The following UBE4A variants were observed in gnomAD, a reference collection of about 807,000 sequenced individuals.
The protein encoded by UBE4A is ubiquitination factor E4A.
Under a neutral mutation model 117.9 loss-of-function variants are expected in UBE4A, and 48 were observed. The ratio of observed to expected loss-of-function variants is 0.41; its 90% CI spans 0.32 to 0.52. The LOEUF (loss-of-function observed/expected upper bound fraction) is 0.52, where lower values mean the gene tolerates loss of function less well. Among genes scored for constraint, UBE4A ranks in the 20% least tolerant of loss-of-function variants. The pLI is 0.33. For synonymous variants in UBE4A, 407 were observed against 450.0 expected (o/e 0.90, Z 1.21); for missense variants, 1,067 against 1,296.3 (o/e 0.82, Z 2.72).
Position 118,397,657 on chromosome 11 carries a change from C to T in UBE4A, c.*1217C>T, listed in dbSNP as rs1254282251. Reference sequence around the variant, plus strand: ...TTAATATGCTGACTAGGGACATTCCCCTATGGATTATCTTTATATCACTGT... The same window carrying T: ...TTAATATGCTGACTAGGGACATTCCTCTATGGATTATCTTTATATCACTGT... On this transcript the variant is annotated 3_prime_UTR_variant, in exon 20 of 20. Coordinates refer to ENST00000252108, the MANE Select transcript of UBE4A (RefSeq NM_001204077.2). 6.6e-6 allele frequency: 1 copy of T among 152,120 alleles called. No homozygotes were observed. Among genetic ancestry groups the T allele is most frequent in the East Asian group, 1.9e-4 (1 of 5,200 alleles). The allele number at this position is 152,120 out of a possible 1,614,324, so 9.4% of individuals were successfully genotyped here. A position where few individuals can be genotyped will look rare whatever the true frequency, so the allele number is the denominator to read the frequency against.
chr11:118,361,006 GTATTT>G (rs1948516423), intron 1 of UBE4A, among the ~76,000 whole-genome samples: 1 of 126,672 alleles, frequency 7.9e-6, no homozygotes, highest in Admixed American at 7.5e-5. Flanking sequence ...GTGTGTGTGT[GTATTT>G]TTTTTTTTTT....
rs782519894 is a variant in UBE4A at position 118,381,386 on chromosome 11, T to C, written c.1877-5T>C. On this transcript the variant is annotated splice_region_variant and splice_polypyrimidine_tract_variant and intron_variant, in intron 11 of 19. Coordinates refer to ENST00000252108, the MANE Select transcript of UBE4A (RefSeq NM_001204077.2). ...GCTAATTCCAGTGAATATTTTCTTT[T>C]TCAGAATTTTTTGCAGATAACCTGG... The C allele has an allele frequency of 7.4e-6, 12 of 1,613,924 alleles. No homozygotes were observed. The Admixed American group carries it at 2.0e-4, about 27-fold the overall frequency.
chr11:118,376,910 A>G (rs1290597274), intron 10 of UBE4A, among the ~76,000 whole-genome samples: 1 of 152,010 alleles, frequency 6.6e-6, no homozygotes, highest in African/African-American at 2.4e-5. Flanking sequence ...AAAATTAGCC[A>G]GGCATGGTGG....
rs1396135530 is a variant in UBE4A at position 118,373,117 on chromosome 11, G to A, written c.753G>A (p.Glu251=). 6.2e-7 allele frequency: 1 copy of A among 1,614,102 alleles called. No individual in the cohort carries two copies. Among genetic ancestry groups the A allele is most frequent in the Non-Finnish European group, 8.5e-7 (1 of 1,180,018 alleles). ...HFEDVTEFLE[E]VIEALILDEE... is the part of the protein sequence containing the mutation. ...AAGATGTAACTGAGTTTCTGGAAGA[G>A]GTCATTGAAGCCTTGATATTGGATG... The change falls in exon 7 of 20, where the codon GAG becomes GAA. Residue 251 remains glutamate (E), a synonymous_variant. Transcript: ENST00000252108.
chr11:118,379,639 G>A lies in UBE4A; in HGVS notation c.1765G>A (p.Val589Met). 1 of 1,614,206 alleles carries A rather than the reference G, an allele frequency of 6.2e-7. No individual in the cohort carries two copies. Among genetic ancestry groups the A allele is most frequent in the Non-Finnish European group, 8.5e-7 (1 of 1,180,040 alleles). The change falls in exon 11 of 20, where the codon GTG becomes ATG. Residue 589 changes from valine (V) to methionine (M), a missense_variant. Physicochemically the swap from Val to Met is conservative, Grantham distance 21. Coordinates refer to ENST00000252108, the MANE Select transcript of UBE4A (RefSeq NM_001204077.2). ...GCTACAAAACTGCCTAAACTTGCAGGTGTCCATGGCTGTTCTACTGGTTCA... is the reference window on the plus strand; with the variant it reads ...GCTACAAAACTGCCTAAACTTGCAGATGTCCATGGCTGTTCTACTGGTTCA... ...QMLQNCLNLQ[V>M]SMAVLLVQLA...
intron 12 of UBE4A, 58 bp from the exon 13 acceptor site, chr11:118,382,529 CAG>C (rs1555126481): frequency 7.3e-7 from 1 of 1,373,548 alleles, no homozygotes; most frequent in African/African-American, 1.5e-5. Flanking sequence ...GTGGAGAGAA[CAG>C]AGTCATAAAT....
In UBE4A at chr11:118,397,208, CG is replaced by C. The variant is rs1199470648; in HGVS notation, c.*771del. 23 of 152,114 alleles carry C rather than the reference CG, an allele frequency of 1.5e-4. No homozygotes were observed. The highest frequency in any genetic ancestry group is 5.5e-4 in the African/African-American group (23 of 41,490). The allele number at this position is 152,114 out of a possible 1,614,324, so 9.4% of individuals were successfully genotyped here. On this transcript the variant is annotated 3_prime_UTR_variant, in exon 20 of 20. Coordinates refer to ENST00000252108, the MANE Select transcript of UBE4A (RefSeq NM_001204077.2). ...ACTAGGCCTAAGTAGATTTAGGCAA[CG>C]GGTATCATATCCATGAAAAATGTCA...
intron 18 of UBE4A, among the ~76,000 whole-genome samples, chr11:118,391,689 G>A (rs905525537): frequency 2.6e-4 from 40 of 151,494 alleles, no homozygotes; most frequent in African/African-American, 9.0e-4. Context: ...AGCTACTCAG[G>A]AGACTGAGGC....
At position 118,392,899 on chromosome 11, in the gene UBE4A, G is replaced by A; in HGVS notation, c.3074+4G>A. On this transcript the variant is annotated splice_donor_region_variant and intron_variant, in intron 19 of 19. Transcript: ENST00000252108. ...CCATTGCAAGACATTTGCTCAGGTA[G>A]GCCAGTCCCAAAAACAGACTCAAGA... 6.2e-7 allele frequency: 1 copy of A among 1,612,518 alleles called. No individual in the cohort carries two copies.
chr11:118,386,296 TGA>T, intron 15 of UBE4A, 140 bp from the exon 16 acceptor site: 1 of 902,918 alleles, frequency 1.1e-6, no homozygotes, highest in Middle Eastern at 3.4e-4. Flanking sequence ...AGCCTTATGC[TGA>T]GAAATAAAGG....
chr11:118,391,863 GT>G (rs1269727749), intron 18 of UBE4A, among the ~76,000 whole-genome samples: 18 of 151,684 alleles, frequency 1.2e-4, no homozygotes, highest in Admixed American at 1.2e-3. Context: ...TATGTAAGAT[GT>G]TTTTATGAAA....
Position 118,386,532 on chromosome 11 carries a change from T to C in UBE4A, c.2507T>C (p.Leu836Pro). 6.2e-7 allele frequency: 1 copy of C among 1,605,914 alleles called. No individual in the cohort carries two copies. Among genetic ancestry groups the C allele is most frequent in the Non-Finnish European group, 8.5e-7 (1 of 1,177,230 alleles). ...PEARREKEAG[L>P]QMFGQLARFH... ...GCCCGCCGAGAAAAGGAGGCTGGCCTACAGATGTTTGGACAGCTGGCACGT... is the reference window on the plus strand; with the variant it reads ...GCCCGCCGAGAAAAGGAGGCTGGCCCACAGATGTTTGGACAGCTGGCACGT... Residue 836 changes from leucine to proline, a missense_variant, in exon 16 of 20, where the codon CTA (leucine) becomes CCA (proline). By Grantham distance (98) the Leu-to-Pro change is moderately conservative. Coordinates refer to ENST00000252108, the MANE Select transcript of UBE4A (RefSeq NM_001204077.2).
At chr11:118,382,174 T>C (rs1190362922) in intron 12 of UBE4A, among the ~76,000 whole-genome samples, 2 of 152,222 alleles carry the variant, frequency 1.3e-5, no homozygotes, top group African/African-American at 4.8e-5. Context: ...CAACAAGTAT[T>C]ATGCATACAC....
chr11:118,395,970 G>T (rs1473435006), intron 19 of UBE4A, among the ~76,000 whole-genome samples: 1 of 152,084 alleles, frequency 6.6e-6, no homozygotes, highest in East Asian at 1.9e-4. Flanking sequence ...AGCTACTTGG[G>T]AGGCTGAGGT....
At chr11:118,379,150 A>C (rs949696301) in intron 10 of UBE4A, among the ~76,000 whole-genome samples, 1 of 152,190 alleles carries the variant, frequency 6.6e-6, no homozygotes, top group Non-Finnish European at 1.5e-5. Context: ...TATTTTATGT[A>C]ATAACAACCC....
At chr11:118,376,261 G>A (rs1443142275) in intron 9 of UBE4A, among the ~76,000 whole-genome samples, 1 of 152,158 alleles carries the variant, frequency 6.6e-6, no homozygotes, top group South Asian at 2.1e-4. Flanking sequence ...AATTCTAATT[G>A]TAAACATGAT....
intron 6 of UBE4A, 26 bp from the exon 7 acceptor site, chr11:118,373,060 T>G: frequency 6.2e-7 from 1 of 1,609,932 alleles, no homozygotes; most frequent in South Asian, 1.1e-5. Flanking sequence ...TGTGCCCTCC[T>G]TTCTCTCTCA....
chr11:118,376,550 T>C (rs1415741849), intron 9 of UBE4A, 24 bp from the exon 10 acceptor site: 4 of 367,662 alleles, frequency 1.1e-5, no homozygotes, highest in East Asian at 7.7e-5. Context: ...ATTTACCCTC[T>C]TTTTTTTTTT....
intron 2 of UBE4A, among the ~76,000 whole-genome samples, chr11:118,367,454 A>G (rs1948573549): frequency 1.3e-5 from 2 of 151,830 alleles, no homozygotes; most frequent in Admixed American, 6.6e-5. Flanking sequence ...ACTCTCTCAT[A>G]TACTGTTGGG....
Sources: gnomAD v4.1 joint callset for allele counts (sites outside exome capture counted in the v4.1 genomes callset) on GRCh38, gnomAD v4.1.1 for gene constraint, MANE v1.5 for transcripts, NCBI Gene and HGNC (gene_info 2026-07-23, HGNC 2026-07-21) for gene names.